Variants in NEDD9 observed in about 807,000 individuals in gnomAD.
The protein encoded by NEDD9 is neural precursor cell expressed, developmentally down-regulated 9.
Under a neutral mutation model 76.6 loss-of-function variants are expected in NEDD9, and 26 were observed. The observed-to-expected ratio is 0.34, with a 90% confidence interval of 0.25 to 0.47. The LOEUF is 0.47. Ranked by LOEUF, NEDD9 falls within the 20% of genes least tolerant of loss-of-function variation. The pLI, the probability that NEDD9 is intolerant of heterozygous loss-of-function variation, is 1.00. For missense variants in NEDD9, 937 were observed against 1,058.5 expected, an observed-to-expected ratio of 0.89 and a Z score of 1.59; for synonymous variants, 392 against 414.2, an observed-to-expected ratio of 0.95 and a Z score of 0.65.
chr6:11,318,637 G>A (rs1247543479), intron 2 of NEDD9, among the ~76,000 whole-genome samples: 1 of 152,064 alleles, frequency 6.6e-6, no homozygotes, highest in African/African-American at 2.4e-5. Context: ...CCCTCAATAA[G>A]ATTACTCAGA....
upstream of NEDD9, among the ~76,000 whole-genome samples, chr6:11,234,159 A>T (rs72827157): frequency 0.024 from 3,645 of 152,306 alleles, 66 homozygotes; most frequent in South Asian, 0.07. Flanking sequence ...ATTTGTCCTT[A>T]GAGCAAAAAT....
At chr6:11,228,750 A>G (rs6915822) in intron 1 of NEDD9, among the ~76,000 whole-genome samples, 24,954 of 152,168 alleles carry the variant, frequency 0.16, 2,250 homozygotes, top group Middle Eastern at 0.26. Flanking sequence ...ATCTCTGTGT[A>G]GGTAAGCCAT....
chr6:11,284,322 G>C (rs575418642), intron 3 of NEDD9, among the ~76,000 whole-genome samples: 1 of 150,534 alleles, frequency 6.6e-6, no homozygotes, highest in African/African-American at 2.4e-5. Flanking sequence ...TTGGGAGGCC[G>C]AGGCAGGCAG....
Position 11,213,872 on chromosome 6 carries a change from G to A in NEDD9, c.13-145C>T, listed in dbSNP as rs1011128009. 6.9e-6 allele frequency: 5 copies of A among 720,234 alleles called. 1 individual carries two copies. In the East Asian group the frequency reaches 1.3e-4, roughly 19 times the overall value. The allele number at this position is 720,234 out of a possible 1,614,324, so 44.6% of individuals were successfully genotyped here. A position where few individuals can be genotyped will look rare whatever the true frequency, so the allele number is the denominator to read the frequency against. ...ACAATAGACTGTAAGGAGAAAAACAGATGGTGCAGACAAAAGACAGATACA... is the reference window on the plus strand; with the variant it reads ...ACAATAGACTGTAAGGAGAAAAACAAATGGTGCAGACAAAAGACAGATACA... On this transcript the variant is annotated intron_variant, in intron 1 of 6. Coordinates refer to ENST00000379446, the MANE Select transcript of NEDD9 (RefSeq NM_006403.4). The surrounding 1 kb of genome is among the most constrained non-coding windows in gnomAD (Gnocchi z 5.4).
At chr6:11,195,594 TAA>T (rs1267602761) in intron 2 of NEDD9, among the ~76,000 whole-genome samples, 1 of 152,260 alleles carries the variant, frequency 6.6e-6, no homozygotes, top group Non-Finnish European at 1.5e-5. Context: ...TTGTTCAGCT[TAA>T]AAGTTTCCAA....
At chr6:11,289,178 G>A (rs549369280) in intron 3 of NEDD9, among the ~76,000 whole-genome samples, 213 of 152,298 alleles carry the variant, frequency 1.4e-3, no homozygotes, top group African/African-American at 4.5e-3. Flanking sequence ...TTTTTGAAGA[G>A]CTGGAACAGC....
intron 3 of NEDD9, among the ~76,000 whole-genome samples, chr6:11,270,202 A>G (rs1760274328): frequency 6.6e-6 from 1 of 152,252 alleles, no homozygotes; most frequent in Non-Finnish European, 1.5e-5. Context: ...GGGGTTTGCC[A>G]TAGGGCGCTT....
chr6:11,291,031 G>A (rs987537086), intron 3 of NEDD9, among the ~76,000 whole-genome samples: 3 of 152,066 alleles, frequency 2.0e-5, no homozygotes, highest in African/African-American at 7.2e-5. Flanking sequence ...GGAAGTGAAA[G>A]GCCCCGAGAT....
intron 5 of NEDD9, 53 bp from the exon 6 acceptor site, chr6:11,188,360 T>C (rs1267396995): frequency 4.3e-6 from 6 of 1,399,908 alleles, no homozygotes; most frequent in Middle Eastern, 1.8e-4. Context: ...GATTCACTTA[T>C]GCTAACAATT....
At chr6:11,209,367 A>G (rs1581957682) in intron 2 of NEDD9, among the ~76,000 whole-genome samples, 1 of 152,360 alleles carries the variant, frequency 6.6e-6, no homozygotes, top group African/African-American at 2.4e-5. Flanking sequence ...GTCAGCGTAT[A>G]TGGTTTTCAG....
Position 11,213,473 on chromosome 6 carries a change from C to T in NEDD9, c.267G>A (p.Gln89=). 6.2e-7 allele frequency: 1 copy of T among 1,614,140 alleles called. No individual in the cohort carries two copies. The highest frequency in any genetic ancestry group is 8.5e-7 in the Non-Finnish European group (1 of 1,180,038). The change falls in exon 2 of 7, where the codon CAG becomes CAA. Residue 89 remains glutamine, a synonymous_variant. Transcript: ENST00000379446. This position sits in a 1 kb window ranked among gnomAD's most constrained non-coding sequence, Gnocchi z 5.4. ...GTGGGTTTGGCACTTGATAGAGCTT[C>T]TGTTGGCCAAAGGTCTGCTGCATCA... ...SGLMQQTFGQ[Q]KLYQVPNPQA...
intron 1 of NEDD9, among the ~76,000 whole-genome samples, chr6:11,369,794 T>C (rs1412287084): frequency 6.6e-6 from 1 of 152,232 alleles, no homozygotes; most frequent in Non-Finnish European, 1.5e-5. Context: ...TATATCCTCT[T>C]TCTTCTTTTT....
At chr6:11,275,278 T>C (rs1760392444) in intron 3 of NEDD9, among the ~76,000 whole-genome samples, 1 of 152,180 alleles carries the variant, frequency 6.6e-6, no homozygotes, top group Non-Finnish European at 1.5e-5. Flanking sequence ...GAGGAAATGT[T>C]AGTAAAAGGA....
intron 2 of NEDD9, among the ~76,000 whole-genome samples, chr6:11,314,746 G>C (rs1252958716): frequency 6.6e-6 from 1 of 152,168 alleles, no homozygotes; most frequent in African/African-American, 2.4e-5. Flanking sequence ...GGTATTCACA[G>C]CAGGAAGAAC....
intron 3 of NEDD9, among the ~76,000 whole-genome samples, chr6:11,257,248 C>T (rs927018660): frequency 5.3e-5 from 8 of 152,194 alleles, no homozygotes; most frequent in Admixed American, 1.3e-4. Context: ...TCACAACAGC[C>T]GTGGCCTGCA....
At chr6:11,296,984 C>T (rs1320303539) in intron 3 of NEDD9, among the ~76,000 whole-genome samples, 1 of 152,216 alleles carries the variant, frequency 6.6e-6, no homozygotes, top group African/African-American at 2.4e-5. Context: ...CCACCTCGGC[C>T]TCCCAAAGTG....
intron 3 of NEDD9, among the ~76,000 whole-genome samples, chr6:11,296,282 C>A (rs773257180): frequency 1.3e-5 from 2 of 152,082 alleles, no homozygotes; most frequent in Non-Finnish European, 2.9e-5. Context: ...ATACAATAGG[C>A]GGATTTAGAG....
At chr6:11,371,538 G>A (rs1762875062) in intron 1 of NEDD9, among the ~76,000 whole-genome samples, 1 of 152,136 alleles carries the variant, frequency 6.6e-6, no homozygotes, top group Admixed American at 6.5e-5. Flanking sequence ...AGCTTTTTCA[G>A]ATTGGCTTCT....
At chr6:11,232,040 A>G (rs1759483166) in intron 1 of NEDD9, among the ~76,000 whole-genome samples, 1 of 152,144 alleles carries the variant, frequency 6.6e-6, no homozygotes. Context: ...TCCTTCCGAG[A>G]CCAAACGATT....
Sources: allele counts gnomAD v4.1 joint callset (sites outside exome capture counted in the v4.1 genomes callset), GRCh38; gene constraint gnomAD v4.1.1; non-coding constraint Gnocchi (gnomAD v3.1); transcripts MANE v1.5; gene names NCBI Gene and HGNC (gene_info 2026-07-23, HGNC 2026-07-21).